The following RALGPS1 variants were observed in gnomAD, a reference collection of about 807,000 sequenced individuals.
The protein encoded by RALGPS1 is Ral GEF with PH domain and SH3 binding motif 1.
RALGPS1 carries 19 observed loss-of-function variants against 78.8 expected under a neutral mutation model. The observed-to-expected ratio is 0.24, with a 90% CI of 0.17 to 0.35. The LOEUF (loss-of-function observed/expected upper bound fraction) is 0.35, where lower values mean the gene tolerates loss of function less well. RALGPS1 is among the 10% of genes least tolerant of loss of function. The pLI, the probability that RALGPS1 is intolerant of heterozygous loss-of-function variation, is 1.00. For synonymous variants in RALGPS1, 228 were observed against 256.3 expected, an observed-to-expected ratio of 0.89 and a Z score of 1.06; for missense variants, 454 against 688.3, an observed-to-expected ratio of 0.66 and a Z score of 3.81.
At chr9:126,958,236 G>A (rs7853064) in intron 1 of RALGPS1, among the ~76,000 whole-genome samples, 2,048 of 150,184 alleles carry the variant, frequency 0.014, 58 homozygotes, top group African/African-American at 0.047. Context: ...AAACATGTAA[G>A]TTCAGATCAC....
At chr9:126,969,024 G>A (rs972072155) in intron 3 of RALGPS1, among the ~76,000 whole-genome samples, 7 of 151,468 alleles carry the variant, frequency 4.6e-5, no homozygotes, top group Admixed American at 2.6e-4. Flanking sequence ...CTCCAGCCTG[G>A]GCAAAAAGAG....
chr9:127,152,014 A>C (rs943824702), intron 8 of RALGPS1, among the ~76,000 whole-genome samples: 21 of 152,022 alleles, frequency 1.4e-4, no homozygotes, highest in African/African-American at 5.1e-4. Flanking sequence ...TTATTGTTTA[A>C]TTTTTTAATT....
intron 4 of RALGPS1, among the ~76,000 whole-genome samples, chr9:127,009,050 A>G (rs1195784905): frequency 6.6e-6 from 1 of 152,182 alleles, no homozygotes; most frequent in Non-Finnish European, 1.5e-5. Context: ...TTTGTCACAT[A>G]TACCATTTTT....
At chr9:127,180,345 G>A (rs771716759) in intron 11 of RALGPS1, among the ~76,000 whole-genome samples, 1 of 152,204 alleles carries the variant, frequency 6.6e-6, no homozygotes, top group Non-Finnish European at 1.5e-5. Flanking sequence ...TCTGGTTTCT[G>A]TGCTCGCACT....
At chr9:127,108,384 A>C (rs1333924892) in intron 8 of RALGPS1, 1 of 1,609,266 alleles carries the variant, frequency 6.2e-7, no homozygotes, top group African/African-American at 1.3e-5. Context: ...CCTCGCTCAC[A>C]ATGCCGCCGT....
At chr9:127,123,040 G>A (rs1166417328) in intron 8 of RALGPS1, among the ~76,000 whole-genome samples, 3 of 152,250 alleles carry the variant, frequency 2.0e-5, no homozygotes, top group African/African-American at 7.2e-5. Context: ...AGCCGCGTGC[G>A]AGCAGCAGGC....
In RALGPS1 at chr9:127,166,828, G is replaced by T. The variant is rs117897366; in HGVS notation, c.748+622G>T. Among the ~76,000 whole-genome samples the T allele has an allele frequency of 5.5e-3, 841 of 152,310 alleles. 27 individuals are homozygous for T. In the East Asian group the frequency reaches 0.088, roughly 16 times the overall value. On this transcript the variant is annotated intron_variant, in intron 9 of 18. Coordinates refer to ENST00000259351, the MANE Select transcript of RALGPS1 (RefSeq NM_014636.3). ...TCCACAGTGTGCCCATGATGGTGGG[G>T]TGTGTAAGAGGGATGGAGAAAATCA...
rs1480204742 is a variant in RALGPS1, at chr9:126,990,047, A to T, written c.216+12302A>T. 2.6e-6 allele frequency: 4 copies of T among 1,543,954 alleles called. No individual in the cohort carries two copies. In the East Asian group the frequency reaches 9.8e-5, roughly 38 times the overall value. On this transcript the variant is annotated intron_variant, in intron 4 of 18. Transcript: ENST00000259351. ...GGATGCCGTTTGCCTGCTCTGAAGA[A>T]GCGGGCGTTCCAGAAAGCCGAGGTC...
At position 127,069,222 on chromosome 9, in the gene RALGPS1, C is replaced by T. The variant is rs2049975887; in HGVS notation, c.484-8C>T. 3 of 1,599,182 alleles carry T rather than the reference C, an allele frequency of 1.9e-6. No homozygotes were observed. Among genetic ancestry groups the T allele is most frequent in the East Asian group, 2.2e-5 (1 of 44,794 alleles). Reference sequence around the variant, plus strand: ...TACTTATTTTGCTATATTTTCTTCTCATTCTAGCTTTTAAATCGAAAAGAC... The same window carrying T: ...TACTTATTTTGCTATATTTTCTTCTTATTCTAGCTTTTAAATCGAAAAGAC... On this transcript the variant is annotated splice_region_variant and splice_polypyrimidine_tract_variant and intron_variant, in intron 7 of 18. Transcript: ENST00000259351.
chr9:127,088,816 T>C lies in RALGPS1; in HGVS notation c.610+19460T>C. On this transcript the variant is annotated intron_variant, in intron 8 of 18. Coordinates refer to ENST00000259351, the MANE Select transcript of RALGPS1 (RefSeq NM_014636.3). ...GCTGCAGTGACTTCGGAAAACAGAA[T>C]CCAGCATCCCGGTCCTCCCAGCCTC... 4.4e-6 allele frequency: 5 copies of C among 1,149,346 alleles called. No homozygotes were observed. The South Asian group carries it at 7.2e-5, about 17-fold the overall frequency. 71.2% of individuals were successfully genotyped at this position (1,149,346 alleles called of 1,614,324 possible).
intron 8 of RALGPS1, among the ~76,000 whole-genome samples, chr9:127,144,060 T>C (rs920439865): frequency 2.0e-5 from 3 of 152,202 alleles, no homozygotes; most frequent in African/African-American, 4.8e-5. Context: ...TCATCTCCGT[T>C]GTTGGTGCTG....
intron 4 of RALGPS1, among the ~76,000 whole-genome samples, chr9:126,998,422 A>G (rs1011838224): frequency 1.3e-5 from 2 of 152,380 alleles, no homozygotes; most frequent in South Asian, 2.1e-4. Context: ...AAAAATGCTC[A>G]TTATCACTGG....
chr9:126,942,194 T>C (rs2036854848), intron 1 of RALGPS1, among the ~76,000 whole-genome samples: 1 of 152,172 alleles, frequency 6.6e-6, no homozygotes, highest in Admixed American at 6.5e-5. Flanking sequence ...CTGCCTTTCA[T>C]TTTTTTCATG....
intron 8 of RALGPS1, among the ~76,000 whole-genome samples, chr9:127,071,664 A>G (rs2050213690): frequency 6.6e-6 from 1 of 152,014 alleles, no homozygotes; most frequent in African/African-American, 2.4e-5. Flanking sequence ...CTTTTGTTGC[A>G]TCCTACGTGT....
At chr9:127,013,220 C>G (rs2044516660) in intron 4 of RALGPS1, among the ~76,000 whole-genome samples, 1 of 152,132 alleles carries the variant, frequency 6.6e-6, no homozygotes, top group Non-Finnish European at 1.5e-5. Flanking sequence ...AGGTGAGGAG[C>G]TTTGTGGGAA....
At chr9:127,213,096 T>A (rs1277274871) in intron 17 of RALGPS1, 47 bp downstream of exon 17, 8 of 1,612,718 alleles carry the variant, frequency 5.0e-6, no homozygotes, top group Admixed American at 1.7e-5. Flanking sequence ...CTCTGCCCAT[T>A]TCCTCTCTTG....
intron 5 of RALGPS1, among the ~76,000 whole-genome samples, chr9:127,045,768 C>CACACACACAT (rs1564475535): frequency 3.7e-5 from 2 of 54,420 alleles, no homozygotes; most frequent in East Asian, 3.9e-4. Context: ...CACATACACA[C>CACACACACAT]ACACACACAC....
intron 3 of RALGPS1, among the ~76,000 whole-genome samples, chr9:126,970,590 A>T (rs1224889329): frequency 6.6e-6 from 1 of 151,680 alleles, no homozygotes; most frequent in Non-Finnish European, 1.5e-5. Context: ...AAAGATAGAG[A>T]TAGTTGTGGC....
intron 8 of RALGPS1, among the ~76,000 whole-genome samples, chr9:127,154,875 C>G (rs1042083842): frequency 6.6e-6 from 1 of 152,194 alleles, no homozygotes; most frequent in East Asian, 1.9e-4. Flanking sequence ...TTTCTGTGCA[C>G]AGTAGCAAAT....
Sources: allele counts gnomAD v4.1 joint callset (sites outside exome capture counted in the v4.1 genomes callset), GRCh38; gene constraint gnomAD v4.1.1; transcripts MANE v1.5; gene names NCBI Gene and HGNC (gene_info 2026-07-23, HGNC 2026-07-21).